The following PDLIM3 variants were observed in gnomAD, a reference collection of about 807,000 sequenced individuals.
PDLIM3 encodes the protein PDZ and LIM domain 3, also known as PDZ and LIM domain protein 3.
In PDLIM3, 36 loss-of-function variants were observed where a neutral mutation model predicts 37.3. The ratio of observed to expected loss-of-function variants is 0.97; its 90% CI spans 0.74 to 1.28. The LOEUF (loss-of-function observed/expected upper bound fraction) is 1.28, where lower values mean the gene tolerates loss of function less well. Among genes scored for constraint, PDLIM3 ranks in the 50% most tolerant of loss-of-function variants. The pLI, the probability that PDLIM3 is intolerant of heterozygous loss-of-function variation, is 0.00. For synonymous variants in PDLIM3, 174 were observed against 182.4 expected (o/e 0.95, Z 0.37); for missense variants, 454 against 485.0 (o/e 0.94, Z 0.60).
rs148518020 is a variant in PDLIM3, at chr4:185,502,426, G to T, written c.963C>A (p.Ala321=). 1 of 1,614,142 alleles carries T rather than the reference G, an allele frequency of 6.2e-7. No homozygotes were observed. The highest frequency in any genetic ancestry group is 8.5e-7 in the Non-Finnish European group (1 of 1,180,032). The part of the protein sequence containing the change: ...KYRHPECFVC[A]DCNLNLKQKG... ...TTTGCTTGAGGTTGAGGTTGCAGTCGGCACACACGAAGCACTCAGGGTGCC... is the reference window on the plus strand; with the variant it reads ...TTTGCTTGAGGTTGAGGTTGCAGTCTGCACACACGAAGCACTCAGGGTGCC... Residue 321 remains alanine, a synonymous_variant, in exon 8 of 8, where the codon GCC becomes GCA. Coordinates refer to ENST00000284767, the MANE Select transcript of PDLIM3 (RefSeq NM_014476.6).
Position 185,504,530 on chromosome 4 carries a change from C to T in PDLIM3, c.850G>A (p.Gly284Ser), listed in dbSNP as rs574011141. 3 of 1,614,192 alleles carry T rather than the reference C, an allele frequency of 1.9e-6. No homozygotes were observed. Among genetic ancestry groups the T allele is most frequent in the East Asian group, 2.2e-5 (1 of 44,890 alleles). Residue 284 changes from glycine (G) to serine (S), a missense_variant, in exon 7 of 8, where the codon GGT (glycine) becomes AGT (serine). By Grantham distance (56) the Gly-to-Ser change is moderately conservative. Coordinates refer to ENST00000284767, the MANE Select transcript of PDLIM3 (RefSeq NM_014476.6). This position sits in a 1 kb window ranked among gnomAD's most constrained non-coding sequence, Gnocchi z 4.7. The stretch of plus-strand genomic sequence containing the variant: ...GGCATCCTCTGTGCCCCGCCTGAAC[C>T]GCCATGGACTTTCGTCACCGGAGCT... Reference protein sequence around the residue: ...VRAPVTKVHGGSGGAQRMPLC... With the variant: ...VRAPVTKVHGSSGGAQRMPLC...
rs2095697232 is a variant in PDLIM3 at position 185,506,397 on chromosome 4, T to A, written c.793+125A>T. ...ATATCCTATCCTTCTGAGCAAAAAT[T>A]CATTTGGCTCCCAATGAAAACCAAG... On this transcript the variant is annotated intron_variant, in intron 6 of 7. Coordinates refer to ENST00000284767, the MANE Select transcript of PDLIM3 (RefSeq NM_014476.6). 18 of 1,283,702 alleles carry A rather than the reference T, an allele frequency of 1.4e-5. No homozygotes were observed. The South Asian group carries it at 2.2e-4, about 15-fold the overall frequency. The allele number at this position is 1,283,702 out of a possible 1,614,324, so 79.5% of individuals were successfully genotyped here.
At chr4:185,509,097 C>T (rs1024920421) in intron 4 of PDLIM3, among the ~76,000 whole-genome samples, 6 of 152,132 alleles carry the variant, frequency 3.9e-5, no homozygotes, top group African/African-American at 9.7e-5. Flanking sequence ...TTCAGTAATA[C>T]GGTTGAACTT....
rs572304386 is a variant in PDLIM3 at position 185,532,013 on chromosome 4, G to A, written c.93+3329C>T. Among the ~76,000 whole-genome samples, 134 of 151,444 alleles carry A rather than the reference G, an allele frequency of 8.8e-4. 1 individual carries two copies. Among genetic ancestry groups the A allele is most frequent in the Admixed American group, 3.0e-3 (46 of 15,200 alleles). ...CTTGGAAGGCTGAGGCAGGAGAATC[G>A]CTTGAACCCAGGAGGCAGAGGTTGC... On this transcript the variant is annotated intron_variant, in intron 1 of 7. Coordinates refer to ENST00000284767, the MANE Select transcript of PDLIM3 (RefSeq NM_014476.6).
At chr4:185,523,121 A>C (rs569731763) in intron 3 of PDLIM3, 22 of 459,630 alleles carry the variant, frequency 4.8e-5, no homozygotes, top group African/African-American at 4.1e-4. Context: ...CTGTAGATTT[A>C]GCCAAATTCT....
In PDLIM3 at chr4:185,514,041, GA is replaced by G. The variant is rs1249049945; in HGVS notation, c.398+228del. Reference sequence around the variant, plus strand: ...GGTGTTCGCTATAAATACACGTGGTGATTGCATACAATTTCACAGCTCTGTC... The same window carrying G: ...GGTGTTCGCTATAAATACACGTGGTGTTGCATACAATTTCACAGCTCTGTC... On this transcript the variant is annotated intron_variant, in intron 4 of 7. Transcript: ENST00000284767. This position sits in a 1 kb window ranked among gnomAD's most constrained non-coding sequence, Gnocchi z 4.0. 2 of 1,421,578 alleles carry G rather than the reference GA, an allele frequency of 1.4e-6. No homozygotes were observed. Among genetic ancestry groups the G allele is most frequent in the African/African-American group, 2.9e-5 (2 of 69,450 alleles). 88.1% of individuals were successfully genotyped at this position (1,421,578 alleles called of 1,614,324 possible).
chr4:185,521,292 T>G (rs1468526038), intron 3 of PDLIM3, among the ~76,000 whole-genome samples: 1 of 65,818 alleles, frequency 1.5e-5, no homozygotes, highest in African/African-American at 2.8e-5. Context: ...TTCAGATCCC[T>G]TCTCATTATA....
intron 1 of PDLIM3, among the ~76,000 whole-genome samples, chr4:185,528,331 A>G (rs1481948964): frequency 2.0e-5 from 3 of 152,196 alleles, no homozygotes; most frequent in Non-Finnish European, 4.4e-5. Context: ...TCTAAGTCCA[A>G]TATCTATTGA....
At chr4:185,503,725 A>G (rs906692184) in intron 7 of PDLIM3, among the ~76,000 whole-genome samples, 1 of 152,204 alleles carries the variant, frequency 6.6e-6, no homozygotes, top group Non-Finnish European at 1.5e-5. Context: ...AGGCGGGTGG[A>G]TCACCTGAGG....
chr4:185,504,627 T>C lies in PDLIM3; in HGVS notation c.794-41A>G. 6.7e-7 allele frequency: 1 copy of C among 1,502,328 alleles called. No homozygotes were observed. The highest frequency in any genetic ancestry group is 9.2e-7 in the Non-Finnish European group (1 of 1,083,042). 93.1% of individuals were successfully genotyped at this position (1,502,328 alleles called of 1,614,324 possible). ...TTTCCATTTATGGCTAGGGAACAGC[T>C]GGCCGCAGCCTGTGCTTGGCTTCTA... On this transcript the variant is annotated intron_variant, in intron 6 of 7. Coordinates refer to ENST00000284767, the MANE Select transcript of PDLIM3 (RefSeq NM_014476.6). The surrounding 1 kb of genome is among the most constrained non-coding windows in gnomAD (Gnocchi z 4.7).
At chr4:185,529,777 ATC>A (rs1336915477) in intron 1 of PDLIM3, among the ~76,000 whole-genome samples, 1 of 152,228 alleles carries the variant, frequency 6.6e-6, no homozygotes, top group African/African-American at 2.4e-5. Context: ...CAACATAGTT[ATC>A]TCTTTTTTAA....
At chr4:185,515,468 A>G (rs1310813215) in intron 3 of PDLIM3, 1 of 152,218 alleles carries the variant, frequency 6.6e-6, no homozygotes, top group Non-Finnish European at 1.5e-5. Context: ...ATTAAGCTAT[A>G]ATCTTAATTT....
In PDLIM3 at chr4:185,519,224, A is replaced by C. The variant is rs141589522; in HGVS notation, c.330+4138T>G. Among the ~76,000 whole-genome samples, 941 of 152,348 alleles carry C rather than the reference A, an allele frequency of 6.2e-3. 7 individuals carry two copies. The highest frequency in any genetic ancestry group is 0.011 in the Non-Finnish European group (717 of 68,022). On this transcript the variant is annotated intron_variant, in intron 3 of 7. Transcript: ENST00000284767. Reference sequence around the variant, plus strand: ...AACAACTAACGTGCCCTTTAAGCCTAAGATTCAAGTCTAAACTCAGAGAAA... The same window carrying C: ...AACAACTAACGTGCCCTTTAAGCCTCAGATTCAAGTCTAAACTCAGAGAAA...
At chr4:185,524,591 T>G (rs2095729503) in intron 2 of PDLIM3, among the ~76,000 whole-genome samples, 1 of 152,202 alleles carries the variant, frequency 6.6e-6, no homozygotes, top group African/African-American at 2.4e-5. Flanking sequence ...GACAGGATAT[T>G]AGCAACCAGT....
rs1295481759 is a variant in PDLIM3, at chr4:185,514,314, C to G, written c.354G>C (p.Lys118Asn). ...EPQDGNYFEH[K>N]HNIRPKPFVI... ...CGAAAGGTTTGGGCCGAATATTATG[C>G]TTGTGTTCAAAGTAGTTCCCGTCCT... Residue 118 changes from lysine (K) to asparagine (N), a missense_variant, in exon 4 of 8, where the codon AAG (lysine) becomes AAC (asparagine). By Grantham distance (94) the Lys-to-Asn change is moderately conservative. Coordinates refer to ENST00000284767, the MANE Select transcript of PDLIM3 (RefSeq NM_014476.6). The surrounding 1 kb of genome is among the most constrained non-coding windows in gnomAD (Gnocchi z 4.0). 6.2e-7 allele frequency: 1 copy of G among 1,614,092 alleles called. No individual in the cohort carries two copies. Among genetic ancestry groups the G allele is most frequent in the Non-Finnish European group, 8.5e-7 (1 of 1,180,038 alleles).
chr4:185,531,030 G>A (rs1452491978), intron 1 of PDLIM3, among the ~76,000 whole-genome samples: 2 of 149,994 alleles, frequency 1.3e-5, no homozygotes, highest in Admixed American at 1.3e-4. Flanking sequence ...ATATATATAG[G>A]GTTTGGTACT....
intron 1 of PDLIM3, among the ~76,000 whole-genome samples, chr4:185,527,214 A>G (rs574720706): frequency 1.3e-5 from 2 of 152,230 alleles, no homozygotes; most frequent in African/African-American, 4.8e-5. Flanking sequence ...GTGAGTTTCT[A>G]TTAGAGCAGA....
At position 185,506,243 on chromosome 4, in the gene PDLIM3, C is replaced by T. The variant is rs141061620; in HGVS notation, c.793+279G>A. Among the ~76,000 whole-genome samples the T allele has an allele frequency of 2.8e-4, 42 of 152,280 alleles. No individual in the cohort carries two copies. The East Asian group carries it at 4.4e-3, about 16-fold the overall frequency. Reference sequence around the variant, plus strand: ...ACAACATTCATTTAAAATGATATCTCATGATTTGTAAGCTGAGCTAGCCCT... The same window carrying T: ...ACAACATTCATTTAAAATGATATCTTATGATTTGTAAGCTGAGCTAGCCCT... On this transcript the variant is annotated intron_variant, in intron 6 of 7. Transcript: ENST00000284767.
intron 3 of PDLIM3, among the ~76,000 whole-genome samples, chr4:185,520,435 T>TA (rs2095722073): frequency 2.8e-5 from 3 of 106,014 alleles, no homozygotes; most frequent in African/African-American, 8.3e-5. Context: ...ATCTCAACCT[T>TA]TAAAAAAAAA....
Sources: gnomAD v4.1 joint callset for allele counts (sites outside exome capture counted in the v4.1 genomes callset) on GRCh38, gnomAD v4.1.1 for gene constraint, Gnocchi (gnomAD v3.1) non-coding constraint, MANE v1.5 for transcripts, NCBI Gene and HGNC (gene_info 2026-07-23, HGNC 2026-07-21) for gene names.